The following GSR variants were observed in gnomAD, a reference collection of about 807,000 sequenced individuals.
GSR encodes the protein glutathione-disulfide reductase, also known as glutathione reductase, mitochondrial.
GSR carries 48 observed loss-of-function variants against 56.5 expected under a neutral mutation model. That is an observed-to-expected ratio of 0.85 (90% confidence interval 0.67 to 1.08). The LOEUF (loss-of-function observed/expected upper bound fraction) is 1.08. GSR is among the 50% of genes least tolerant of loss of function. The pLI is 0.00. For missense variants in GSR, 694 were observed against 703.3 expected (o/e 0.99, Z 0.15); for synonymous variants, 264 against 270.8 (o/e 0.97, Z 0.25).
At chr8:30,681,154 C>T (rs933719828) in intron 11 of GSR, 117 bp from the exon 12 acceptor site, 32 of 843,762 alleles carry the variant, frequency 3.8e-5, no homozygotes, top group Non-Finnish European at 5.6e-5. Context: ...AAATATCAAA[C>T]CACGCCAAAA....
At chr8:30,692,070 T>C (rs1803398265) in intron 8 of GSR, among the ~76,000 whole-genome samples, 1 of 148,436 alleles carries the variant, frequency 6.7e-6, no homozygotes, top group African/African-American at 2.5e-5. Context: ...ACCAATGCAC[T>C]CCAGCCTGGG....
Position 30,681,042 on chromosome 8 carries a change from A to G in GSR, c.1286-5T>C. ...CATATTTATGAATGGCTTCATCTACAATGCACATTAAAAAAAGCATCTATC... is the reference window on the plus strand; with the variant it reads ...CATATTTATGAATGGCTTCATCTACGATGCACATTAAAAAAAGCATCTATC... On this transcript the variant is annotated splice_region_variant and splice_polypyrimidine_tract_variant and intron_variant, in intron 11 of 12. Transcript: ENST00000221130. 6.2e-7 allele frequency: 1 copy of G among 1,604,718 alleles called. No individual in the cohort carries two copies. The highest frequency in any genetic ancestry group is 8.5e-7 in the Non-Finnish European group (1 of 1,172,176).
chr8:30,712,516 CA>C (rs893886497), intron 1 of GSR, among the ~76,000 whole-genome samples: 4 of 151,662 alleles, frequency 2.6e-5, no homozygotes. Flanking sequence ...CACGTCTCTA[CA>C]AAAAAAAGTA....
At chr8:30,701,114 T>C (rs542177196) in intron 5 of GSR, among the ~76,000 whole-genome samples, 5 of 152,302 alleles carry the variant, frequency 3.3e-5, no homozygotes, top group Admixed American at 6.5e-5. Flanking sequence ...AAGCCTTCAG[T>C]TGTCAACTGC....
chr8:30,709,700 G>A (rs8190942), intron 3 of GSR, 114 bp downstream of exon 3: 8,510 of 719,654 alleles, frequency 0.012, 113 homozygotes, highest in Admixed American at 0.026. Context: ...TGTAAATCTC[G>A]TATTGTGAAT....
intron 5 of GSR, 97 bp from the exon 6 acceptor site, chr8:30,700,232 C>T (rs1426861677): frequency 1.1e-6 from 1 of 885,166 alleles, no homozygotes; most frequent in East Asian, 2.4e-5. Flanking sequence ...CTTTCACAGC[C>T]AACATAGTCT....
rs767186568 is a variant in GSR, at chr8:30,719,273, AATT to A, written c.307-7188_307-7186del. ...AGGTGTGTACTACCACACCTGGATA[AATT>A]TTTTTTTTTTTATGTATTTTTAGTA... On this transcript the variant is annotated intron_variant, in intron 1 of 12. Transcript: ENST00000221130. Among the ~76,000 whole-genome samples the A allele has an allele frequency of 6.9e-4, 104 of 149,842 alleles. 3 individuals carry two copies. The highest frequency in any genetic ancestry group is 5.9e-4 in the East Asian group (3 of 5,054).
chr8:30,689,872 T>C (rs1326410881), intron 8 of GSR, among the ~76,000 whole-genome samples: 1 of 142,794 alleles, frequency 7.0e-6, no homozygotes, highest in South Asian at 2.1e-4. Context: ...TATATATAAA[T>C]ATATGTATAT....
At chr8:30,694,849 T>C (rs1337896408) in intron 7 of GSR, among the ~76,000 whole-genome samples, 1 of 140,778 alleles carries the variant, frequency 7.1e-6, no homozygotes, top group Non-Finnish European at 1.5e-5. Context: ...CAATGAGCCA[T>C]GATGTGCCAC....
At chr8:30,712,428 T>C (rs556353756) in intron 1 of GSR, among the ~76,000 whole-genome samples, 2 of 152,158 alleles carry the variant, frequency 1.3e-5, no homozygotes, top group Non-Finnish European at 2.9e-5. Context: ...ACACCTGTAA[T>C]TCCAGCACTT....
intron 11 of GSR, 28 bp from the exon 12 acceptor site, chr8:30,681,065 A>G: frequency 6.3e-7 from 1 of 1,582,232 alleles, no homozygotes; most frequent in Non-Finnish European, 8.7e-7. Context: ...AAAAGCATCT[A>G]TCAGAAAACT....
At chr8:30,685,240 G>A (rs540187647) in intron 9 of GSR, among the ~76,000 whole-genome samples, 51 of 152,104 alleles carry the variant, frequency 3.4e-4, no homozygotes, top group South Asian at 2.9e-3. Context: ...GATTACAGGC[G>A]TGAACCACCA....
intron 12 of GSR, 77 bp from the exon 13 acceptor site, chr8:30,679,746 C>G (rs1198849716): frequency 1.3e-5 from 18 of 1,385,604 alleles, no homozygotes; most frequent in Non-Finnish European, 1.5e-5. Flanking sequence ...ACTCTTGTTG[C>G]CCAGGCTGGA....
chr8:30,680,976 C>A lies in GSR; in HGVS notation c.1347G>T (p.Pro449=). The A allele has an allele frequency of 6.2e-7, 1 of 1,610,626 alleles. No homozygotes were observed. Among genetic ancestry groups the A allele is most frequent in the Non-Finnish European group, 8.5e-7 (1 of 1,176,922 alleles). The change falls in exon 12 of 13, where the codon CCG becomes CCT. Residue 449 remains proline, a synonymous_variant. Coordinates refer to ENST00000221130, the MANE Select transcript of GSR (RefSeq NM_000637.5). ...NVKTYSTSFT[P]MYHAVTKRKT... ...TCCTTTTGGTAACTGCGTGATACAT[C>A]GGGGTAAAGCTCGTTGAATAGGTCT... is the stretch of plus-strand genomic sequence containing the variant.
intron 12 of GSR, 81 bp from the exon 13 acceptor site, chr8:30,679,750 G>C: frequency 7.7e-7 from 1 of 1,305,926 alleles, no homozygotes. Context: ...TTGTTGCCCA[G>C]GCTGGAGTGC....
At chr8:30,680,876 C>T in intron 12 of GSR, 28 bp downstream of exon 12, 1 of 1,607,392 alleles carries the variant, frequency 6.2e-7, no homozygotes. Context: ...TTGCAAGGCA[C>T]TATTTAGTTT....
chr8:30,723,884 G>A (rs929483243), intron 1 of GSR, among the ~76,000 whole-genome samples: 13 of 151,864 alleles, frequency 8.6e-5, no homozygotes, highest in Admixed American at 6.6e-5. Flanking sequence ...AAACTTTAAC[G>A]GTTGAACAAT....
In GSR at chr8:30,711,120, G is replaced by A. The variant is rs8190938; in HGVS notation, c.333+942C>T. Among the ~76,000 whole-genome samples, 714 of 152,272 alleles carry A rather than the reference G, an allele frequency of 4.7e-3. 6 individuals carry two copies. The highest frequency in any genetic ancestry group is 0.016 in the African/African-American group (669 of 41,570). On this transcript the variant is annotated intron_variant, in intron 2 of 12. Transcript: ENST00000221130. ...AGAAAAACACCTTACCTATACCACGGAAAAGACTTCAAAAAGACTTTTTGG... is the reference window on the plus strand; with the variant it reads ...AGAAAAACACCTTACCTATACCACGAAAAAGACTTCAAAAAGACTTTTTGG...
intron 7 of GSR, among the ~76,000 whole-genome samples, chr8:30,694,819 A>C (rs1349260566): frequency 6.8e-6 from 1 of 147,404 alleles, no homozygotes; most frequent in Admixed American, 7.1e-5. Flanking sequence ...AGATCGCTTG[A>C]GCCCAGAAGG....
Sources: gnomAD v4.1 joint callset for allele counts (sites outside exome capture counted in the v4.1 genomes callset) on GRCh38, gnomAD v4.1.1 for gene constraint, MANE v1.5 for transcripts, NCBI Gene and HGNC (gene_info 2026-07-23, HGNC 2026-07-21) for gene names.